Variants in RASGRF2 observed in about 807,000 individuals in gnomAD.
RASGRF2 encodes ras-specific guanine nucleotide-releasing factor 2.
A neutral mutation model predicts 151.0 loss-of-function variants in RASGRF2; 76 were observed. That is an observed-to-expected ratio of 0.50 (90% confidence interval 0.42 to 0.61). The LOEUF (loss-of-function observed/expected upper bound fraction) is 0.61. Among genes scored for constraint, RASGRF2 ranks in the 20% least tolerant of loss-of-function variants. RASGRF2 has a pLI of 0.00. For missense variants in RASGRF2, 1,148 were observed against 1,564.6 expected, an observed-to-expected ratio of 0.73 and a Z score of 4.49; for synonymous variants, 504 against 566.5, an observed-to-expected ratio of 0.89 and a Z score of 1.57.
At chr5:81,055,865 G>A (rs540122303) in intron 2 of RASGRF2, among the ~76,000 whole-genome samples, 10 of 152,194 alleles carry the variant, frequency 6.6e-5, no homozygotes, top group African/African-American at 1.9e-4. Context: ...TTGGGAGGGT[G>A]TATGTGTCCA....
At chr5:81,194,041 A>G (rs1755207202) in intron 18 of RASGRF2, among the ~76,000 whole-genome samples, 1 of 152,090 alleles carries the variant, frequency 6.6e-6, no homozygotes, top group Non-Finnish European at 1.5e-5. Flanking sequence ...ATTAAATGAG[A>G]TAATAAAGTA....
intron 1 of RASGRF2, among the ~76,000 whole-genome samples, chr5:81,017,947 A>T (rs1749694009): frequency 6.6e-6 from 1 of 152,064 alleles, no homozygotes; most frequent in Non-Finnish European, 1.5e-5. Context: ...AAAATATAAC[A>T]ACAACAAAAA....
At chr5:81,127,813 A>G (rs1753500050) in intron 17 of RASGRF2, among the ~76,000 whole-genome samples, 1 of 150,710 alleles carries the variant, frequency 6.6e-6, no homozygotes, top group South Asian at 2.1e-4. Context: ...AATTCCAGCT[A>G]CTCAGGAGGC....
intron 17 of RASGRF2, among the ~76,000 whole-genome samples, chr5:81,129,251 A>T (rs1202476865): frequency 6.6e-6 from 1 of 152,226 alleles, no homozygotes; most frequent in Non-Finnish European, 1.5e-5. Context: ...AACATGAGAG[A>T]TGGCATATTT....
chr5:81,220,673 T>C (rs1338959824), intron 26 of RASGRF2, among the ~76,000 whole-genome samples: 1 of 152,196 alleles, frequency 6.6e-6, no homozygotes, highest in Non-Finnish European at 1.5e-5. Flanking sequence ...TTTCACCATG[T>C]TAGCCAGGAT....
intron 18 of RASGRF2, among the ~76,000 whole-genome samples, chr5:81,194,139 T>A: frequency 6.7e-6 from 1 of 149,676 alleles, no homozygotes; most frequent in East Asian, 2.0e-4. Context: ...AACCCAGGAG[T>A]TGGAGACCAG....
rs752320224 is a variant in RASGRF2, at chr5:81,112,620, C to T, written c.1849C>T (p.Arg617Cys). The T allele has an allele frequency of 6.2e-6, 10 of 1,614,026 alleles. No homozygotes were observed. Among genetic ancestry groups the T allele is most frequent in the African/African-American group, 1.3e-5 (1 of 74,924 alleles). ...TGCCTTTGCACGTAGGTCTGATGCCCGTCTTCATAAAGACGACACTGACAT... is the reference window on the plus strand; with the variant it reads ...TGCCTTTGCACGTAGGTCTGATGCCTGTCTTCATAAAGACGACACTGACAT... ...TVPHMIKSDA[R>C]LHKDDTDICF... The change falls in exon 14 of 27, where the codon CGT becomes TGT. Residue 617 changes from arginine (R) to cysteine (C), a missense_variant. Physicochemically the swap from Arg to Cys is radical, Grantham distance 180. This residue lies in a region of RASGRF2 where 646 missense variants were observed against 807.4 expected (regional missense o/e 0.80). Coordinates refer to ENST00000265080, the MANE Select transcript of RASGRF2 (RefSeq NM_006909.3).
chr5:81,113,904 A>G lies in RASGRF2; in HGVS notation c.2454A>G (p.Lys818=), dbSNP rs1753076976. The change falls in exon 15 of 27, where the codon AAA becomes AAG. Residue 818 remains lysine, a synonymous_variant. Coordinates refer to ENST00000265080, the MANE Select transcript of RASGRF2 (RefSeq NM_006909.3). Reference sequence around the variant, plus strand: ...GCGTGGATCTGTGTAACAAGCTAAAACGAAGTATTCAAAAAGGTATTATCT... The same window carrying G: ...GCGTGGATCTGTGTAACAAGCTAAAGCGAAGTATTCAAAAAGGTATTATCT... The part of the protein sequence containing the change: ...NPRVDLCNKL[K]RSIQKAVLES... 1 of 1,613,240 alleles carries G rather than the reference A, an allele frequency of 6.2e-7. No homozygotes were observed. The highest frequency in any genetic ancestry group is 8.5e-7 in the Non-Finnish European group (1 of 1,179,522).
intron 18 of RASGRF2, among the ~76,000 whole-genome samples, chr5:81,187,266 G>C (rs140148689): frequency 9.8e-5 from 15 of 152,326 alleles, no homozygotes; most frequent in African/African-American, 2.9e-4. Context: ...TGATCACTTG[G>C]AATGTAGCTA....
chr5:81,012,131 G>C (rs956170436), intron 1 of RASGRF2, among the ~76,000 whole-genome samples: 11 of 152,154 alleles, frequency 7.2e-5, no homozygotes, highest in Admixed American at 6.5e-4. Context: ...GTAGTACAAA[G>C]AACTTGTTAC....
At chr5:81,191,927 C>G (rs2112695977) in intron 18 of RASGRF2, among the ~76,000 whole-genome samples, 1 of 152,292 alleles carries the variant, frequency 6.6e-6, no homozygotes, top group Non-Finnish European at 1.5e-5. Flanking sequence ...TAGTGTCATT[C>G]ATTGCCATTT....
intron 1 of RASGRF2, among the ~76,000 whole-genome samples, chr5:80,988,793 G>A (rs1056700393): frequency 1.3e-5 from 2 of 152,064 alleles, no homozygotes; most frequent in Admixed American, 6.5e-5. Context: ...GGCACATAAC[G>A]AATGCTTGAT....
At chr5:81,183,270 T>C in intron 18 of RASGRF2, 1 of 982,204 alleles carries the variant, frequency 1.0e-6, no homozygotes, top group Middle Eastern at 5.2e-4. Context: ...GAATCAAGGC[T>C]GCCACAGAGT....
chr5:81,092,651 A>C (rs1752422241), intron 9 of RASGRF2, 150 bp from the exon 10 acceptor site: 1 of 728,504 alleles, frequency 1.4e-6, no homozygotes, highest in Non-Finnish European at 2.3e-6. Flanking sequence ...TTCTGCTCAG[A>C]CTGGAAGAGA....
chr5:81,174,552 C>CATCT (rs1754729927), intron 17 of RASGRF2, among the ~76,000 whole-genome samples: 1 of 152,326 alleles, frequency 6.6e-6, no homozygotes, highest in African/African-American at 2.4e-5. Flanking sequence ...AGAGGAGAAG[C>CATCT]ATCTTCTGCT....
chr5:80,967,143 C>G (rs1747748459), intron 1 of RASGRF2, among the ~76,000 whole-genome samples: 1 of 152,160 alleles, frequency 6.6e-6, no homozygotes, highest in Non-Finnish European at 1.5e-5. Flanking sequence ...AATCCCAGCA[C>G]TTTGGGAGGT....
chr5:81,230,036 A>G lies in RASGRF2; in HGVS notation c.*4266A>G, dbSNP rs2112767003. On this transcript the variant is annotated 3_prime_UTR_variant, in exon 27 of 27. Transcript: ENST00000265080. ...TTTGAGAAGCATATCGTTCGTGTCC[A>G]GTTACTTTGCAAATTTGTGGACATT... 6.6e-6 allele frequency: 1 copy of G among 152,334 alleles called. No individual in the cohort carries two copies. Among genetic ancestry groups the G allele is most frequent in the South Asian group, 2.1e-4 (1 of 4,830 alleles). The allele number at this position is 152,334 out of a possible 1,614,324, so 9.4% of individuals were successfully genotyped here. A position where few individuals can be genotyped will look rare whatever the true frequency, so the allele number is the denominator to read the frequency against.
At chr5:81,178,825 G>A (rs968291484) in intron 17 of RASGRF2, among the ~76,000 whole-genome samples, 1 of 151,884 alleles carries the variant, frequency 6.6e-6, no homozygotes. Context: ...TGCAAGCTCC[G>A]CCCCCCGGGT....
intron 16 of RASGRF2, 27 bp downstream of exon 16, chr5:81,123,794 T>G: frequency 6.3e-7 from 1 of 1,591,260 alleles, no homozygotes; most frequent in Non-Finnish European, 8.6e-7. Flanking sequence ...GACTCAGAAA[T>G]AGAAACGTGA....
Sources: gnomAD v4.1 joint callset for allele counts (sites outside exome capture counted in the v4.1 genomes callset) on GRCh38, gnomAD v4.1.1 for gene constraint, gnomAD v4.1.1 regional missense constraint, MANE v1.5 for transcripts, NCBI Gene and HGNC (gene_info 2026-07-23, HGNC 2026-07-21) for gene names.